NREP: variants seen among roughly 807,000 people sequenced by gnomAD.
NREP encodes the protein neuronal regeneration related protein, also known as neuronal regeneration-related protein.
In NREP, 5 loss-of-function variants were observed where a neutral mutation model predicts 8.6. That is an observed-to-expected ratio of 0.58 (90% CI 0.30 to 1.22). The LOEUF is 1.22. Ranked by LOEUF, NREP falls within the 50% of genes most tolerant of loss-of-function variation. The probability of loss-of-function intolerance (pLI) is 0.07; values close to 1 mark genes in which losing one functional copy is unlikely to be tolerated. For synonymous variants in NREP, 27 were observed against 28.0 expected (o/e 0.96, Z 0.11); for missense variants, 86 against 82.5 (o/e 1.04, Z -0.17).
intron 2 of NREP, among the ~76,000 whole-genome samples, chr5:111,955,820 G>GT (rs748463860): frequency 6.6e-6 from 1 of 150,966 alleles, no homozygotes; most frequent in Non-Finnish European, 1.5e-5. Context: ...GAGCATGGGA[G>GT]TAGACAGAGC....
intron 2 of NREP, among the ~76,000 whole-genome samples, chr5:111,753,673 G>C (rs1209289453): frequency 3.3e-5 from 5 of 151,998 alleles, no homozygotes; most frequent in African/African-American, 9.7e-5. Context: ...TTTAACAGGA[G>C]AGCCATGCTT....
chr5:111,740,787 C>T (rs1173761217), intron 2 of NREP, among the ~76,000 whole-genome samples: 1 of 152,140 alleles, frequency 6.6e-6, no homozygotes, highest in African/African-American at 2.4e-5. Flanking sequence ...TAAAAGTTCT[C>T]GGACATGTTT....
intron 2 of NREP, among the ~76,000 whole-genome samples, chr5:111,914,231 G>C (rs901158079): frequency 2.6e-5 from 4 of 152,100 alleles, no homozygotes; most frequent in Non-Finnish European, 5.9e-5. Flanking sequence ...GGAATAAACA[G>C]TAACTTCTCT....
At chr5:111,898,262 CAA>C (rs1390413392) in intron 2 of NREP, among the ~76,000 whole-genome samples, 1 of 152,028 alleles carries the variant, frequency 6.6e-6, no homozygotes, top group African/African-American at 2.4e-5. Flanking sequence ...GTAATAAAGA[CAA>C]GAGATAAAGA....
intron 2 of NREP, among the ~76,000 whole-genome samples, chr5:111,970,584 G>C (rs1756784564): frequency 1.3e-5 from 2 of 152,058 alleles, no homozygotes; most frequent in African/African-American, 4.8e-5. Flanking sequence ...CCAGCACTTT[G>C]GGAGGCTGAG....
intron 2 of NREP, among the ~76,000 whole-genome samples, chr5:111,742,075 A>T (rs1007767432): frequency 6.6e-6 from 1 of 152,170 alleles, no homozygotes; most frequent in Admixed American, 6.5e-5. Context: ...AAGGAAGACA[A>T]TGATGGCTCA....
intron 2 of NREP, among the ~76,000 whole-genome samples, chr5:111,971,787 G>A (rs939933412): frequency 4.0e-5 from 6 of 151,682 alleles, no homozygotes; most frequent in Non-Finnish European, 7.4e-5. Context: ...AAAATGATGC[G>A]AAAAGCACAC....
chr5:111,958,513 A>G (rs1409433475), intron 2 of NREP, among the ~76,000 whole-genome samples: 1 of 151,980 alleles, frequency 6.6e-6, no homozygotes, highest in Non-Finnish European at 1.5e-5. Flanking sequence ...TCATTCAAAC[A>G]TTTATACTTA....
At chr5:111,784,658 A>G (rs1224298338) in intron 2 of NREP, among the ~76,000 whole-genome samples, 1 of 152,170 alleles carries the variant, frequency 6.6e-6, no homozygotes, top group East Asian at 1.9e-4. Context: ...GGACTTCTCA[A>G]GGTCCTTAGT....
chr5:111,973,820 G>A (rs1412905577), intron 2 of NREP, among the ~76,000 whole-genome samples: 1 of 152,056 alleles, frequency 6.6e-6, no homozygotes, highest in Non-Finnish European at 1.5e-5. Flanking sequence ...AGCAAACAAG[G>A]CATATTTAGA....
intron 2 of NREP, among the ~76,000 whole-genome samples, chr5:111,822,889 CAATA>C (rs1210089925): frequency 6.6e-6 from 1 of 152,102 alleles, no homozygotes; most frequent in Non-Finnish European, 1.5e-5. Flanking sequence ...TCACTGGAAT[CAATA>C]AATAAGAATC....
chr5:111,830,767 T>A (rs1334900013), intron 2 of NREP, among the ~76,000 whole-genome samples: 1 of 152,220 alleles, frequency 6.6e-6, no homozygotes, highest in Non-Finnish European at 1.5e-5. Flanking sequence ...GTGCCCAATT[T>A]ATCATCCCAT....
intron 2 of NREP, among the ~76,000 whole-genome samples, chr5:111,972,182 G>A (rs902200652): frequency 6.6e-6 from 1 of 152,098 alleles, no homozygotes; most frequent in African/African-American, 2.4e-5. Flanking sequence ...AAGCTACAAT[G>A]AGATATGACC....
intron 2 of NREP, among the ~76,000 whole-genome samples, chr5:111,957,862 A>G (rs1756368698): frequency 6.6e-6 from 1 of 152,024 alleles, no homozygotes; most frequent in South Asian, 2.1e-4. Flanking sequence ...AAGTCACAAG[A>G]AAAGCATTAA....
At chr5:111,887,132 T>A (rs2112527267) in intron 2 of NREP, among the ~76,000 whole-genome samples, 1 of 152,190 alleles carries the variant, frequency 6.6e-6, no homozygotes, top group Non-Finnish European at 1.5e-5. Context: ...CTATATTGCC[T>A]AGGCTGGTCT....
chr5:111,975,979 A>G (rs758462061), intron 1 of NREP, among the ~76,000 whole-genome samples: 2 of 152,114 alleles, frequency 1.3e-5, no homozygotes, highest in Non-Finnish European at 2.9e-5. Context: ...AGCATATCTA[A>G]TTCTTTTACA....
intron 2 of NREP, among the ~76,000 whole-genome samples, chr5:111,927,008 C>T (rs1003791202): frequency 4.6e-5 from 7 of 152,046 alleles, no homozygotes; most frequent in East Asian, 2.0e-4. Context: ...GTATGGCCAG[C>T]GTGTCTCCCC....
intron 2 of NREP, among the ~76,000 whole-genome samples, chr5:111,804,306 G>A (rs1561673187): frequency 6.6e-6 from 1 of 152,118 alleles, no homozygotes. Flanking sequence ...TAAACGATTT[G>A]GAATAACTGA....
intron 2 of NREP, among the ~76,000 whole-genome samples, chr5:111,821,021 C>T (rs984722691): frequency 6.6e-6 from 1 of 152,096 alleles, no homozygotes; most frequent in Non-Finnish European, 1.5e-5. Context: ...TTTCAGATTT[C>T]AGTTGGGTAG....
Sources: gnomAD v4.1 joint callset for allele counts (sites outside exome capture counted in the v4.1 genomes callset) on GRCh38, gnomAD v4.1.1 for gene constraint, MANE v1.5 for transcripts, NCBI Gene and HGNC (gene_info 2026-07-23, HGNC 2026-07-21) for gene names.